TCERG1: variants seen among roughly 807,000 people sequenced by gnomAD.
The protein encoded by TCERG1 is TATA box binding protein (TBP)-associated factor, RNA polymerase II, S, 150kD.
Under a neutral mutation model 144.7 loss-of-function variants are expected in TCERG1, and 37 were observed. That is an observed-to-expected ratio of 0.26 (90% CI 0.20 to 0.34). TCERG1 has a LOEUF of 0.34. Among genes scored for constraint, TCERG1 ranks in the 10% least tolerant of loss-of-function variants. TCERG1 has a pLI of 1.00. For synonymous variants in TCERG1, 492 were observed against 458.2 expected, an observed-to-expected ratio of 1.07 and a Z score of -0.94; for missense variants, 1,027 against 1,380.7, an observed-to-expected ratio of 0.74 and a Z score of 4.06.
At chr5:146,508,515 G>A (rs1768193911) in intron 21 of TCERG1, among the ~76,000 whole-genome samples, 1 of 152,092 alleles carries the variant, frequency 6.6e-6, no homozygotes, top group Admixed American at 6.5e-5. Flanking sequence ...CCCCCTCAAA[G>A]TCTATTGGAT....
At chr5:146,506,709 T>C (rs1265597517) in intron 19 of TCERG1, among the ~76,000 whole-genome samples, 1 of 152,194 alleles carries the variant, frequency 6.6e-6, no homozygotes, top group African/African-American at 2.4e-5. Flanking sequence ...ACTCTCTATT[T>C]CTATGAGTTC....
At position 146,469,661 on chromosome 5, in the gene TCERG1, A is replaced by G. The variant is rs1764109472; in HGVS notation, c.1316A>G (p.Lys439Arg). The G allele has an allele frequency of 1.9e-6, 3 of 1,613,470 alleles. No homozygotes were observed. Among genetic ancestry groups the G allele is most frequent in the Non-Finnish European group, 2.5e-6 (3 of 1,179,652 alleles). Residue 439 changes from lysine (K) to arginine (R), a missense_variant, in exon 7 of 23, where the codon AAA becomes AGA. This residue lies in a region of TCERG1 where 482 missense variants were observed against 632.6 expected (regional missense o/e 0.76). Coordinates refer to ENST00000679501, the MANE Select transcript of TCERG1 (RefSeq NM_001382548.1). ...ATAVSEWTEY[K>R]TADGKTYYYN... is the part of the protein sequence containing the mutation. Reference sequence around the variant, plus strand: ...GCAGTTTCTGAATGGACTGAATATAAAACAGCAGATGGGAAGACATATTAT... The same window carrying G: ...GCAGTTTCTGAATGGACTGAATATAGAACAGCAGATGGGAAGACATATTAT...
intron 13 of TCERG1, chr5:146,481,647 A>C (rs1765373227): frequency 6.6e-6 from 1 of 152,096 alleles, no homozygotes. Context: ...AATTCCCTTA[A>C]GTTTGTATAG....
At position 146,458,755 on chromosome 5, in the gene TCERG1, A is replaced by G. The variant is rs945862411; in HGVS notation, c.439-129A>G. 5.8e-5 allele frequency: 76 copies of G among 1,312,278 alleles called. No individual in the cohort carries two copies. In the East Asian group the frequency reaches 1.8e-3, roughly 32 times the overall value. The allele number at this position is 1,312,278 out of a possible 1,614,324, so 81.3% of individuals were successfully genotyped here. On this transcript the variant is annotated intron_variant, in intron 3 of 22. Transcript: ENST00000679501. Reference sequence around the variant, plus strand: ...CTGCCTCCCAAAGTGCTGGGATTACAGGAATGAGCCACCACGCCTGGCCCT... The same window carrying G: ...CTGCCTCCCAAAGTGCTGGGATTACGGGAATGAGCCACCACGCCTGGCCCT...
chr5:146,457,711 G>T (rs1201547064), intron 3 of TCERG1, among the ~76,000 whole-genome samples: 1 of 152,252 alleles, frequency 6.6e-6, no homozygotes, highest in Admixed American at 6.5e-5. Flanking sequence ...TTGGACTCCA[G>T]ATAAGGGTCA....
At chr5:146,504,183 G>T in intron 19 of TCERG1, 177 bp downstream of exon 19, 1 of 535,612 alleles carries the variant, frequency 1.9e-6, no homozygotes, top group Non-Finnish European at 2.9e-6. Context: ...AAAAACCCAA[G>T]TTATTCAACA....
intron 19 of TCERG1, among the ~76,000 whole-genome samples, chr5:146,506,744 G>T (rs946487714): frequency 6.6e-6 from 1 of 152,132 alleles, no homozygotes; most frequent in African/African-American, 2.4e-5. Context: ...CCACAAATGT[G>T]AGACTATGCA....
intron 12 of TCERG1, 100 bp from the exon 13 acceptor site, chr5:146,481,050 A>G (rs1765325159): frequency 3.4e-6 from 1 of 295,322 alleles, no homozygotes; most frequent in Admixed American, 6.6e-5. Flanking sequence ...CTGTTTATGT[A>G]CCATAATTTT....
rs894984707 is a variant in TCERG1 at position 146,480,151 on chromosome 5, G to C, written c.1886+57G>C. 4 of 1,354,146 alleles carry C rather than the reference G, an allele frequency of 3.0e-6. No homozygotes were observed. In the African/African-American group the frequency reaches 5.9e-5, roughly 20 times the overall value. The allele number at this position is 1,354,146 out of a possible 1,614,324, so 83.9% of individuals were successfully genotyped here. ...ATTATATCTTTTAAAAGTCGATTTG[G>C]TAATAATTTGTGATTGGAAGGGACA... On this transcript the variant is annotated intron_variant, in intron 12 of 22. Transcript: ENST00000679501.
intron 4 of TCERG1, among the ~76,000 whole-genome samples, chr5:146,461,098 C>G (rs1212993891): frequency 6.6e-6 from 1 of 152,166 alleles, no homozygotes; most frequent in Non-Finnish European, 1.5e-5. Flanking sequence ...TTTAACCATA[C>G]TATATATAGT....
Position 146,510,525 on chromosome 5 carries a change from G to C in TCERG1, c.3231G>C (p.Leu1077=). 6.2e-7 allele frequency: 1 copy of C among 1,614,088 alleles called. No individual in the cohort carries two copies. The highest frequency in any genetic ancestry group is 8.5e-7 in the Non-Finnish European group (1 of 1,179,994). ...AGAATGACAAACGGTATCTAGTACT[G>C]GACTGTGTGCCAGAGGAGAGGCGTA... ...ILQNDKRYLV[L]DCVPEERRKL... Residue 1077 remains leucine, a synonymous_variant, in exon 23 of 23, where the codon CTG becomes CTC. Transcript: ENST00000679501.
chr5:146,449,932 G>A (rs1762211574), intron 1 of TCERG1, among the ~76,000 whole-genome samples: 2 of 140,414 alleles, frequency 1.4e-5, no homozygotes, highest in South Asian at 4.6e-4. Context: ...TCACTGACTA[G>A]CTGCCTTAAG....
chr5:146,452,539 A>G (rs1316114965), intron 1 of TCERG1, among the ~76,000 whole-genome samples: 2 of 152,154 alleles, frequency 1.3e-5, no homozygotes, highest in Non-Finnish European at 2.9e-5. Context: ...AGTGAACACA[A>G]TTCCTACTCT....
chr5:146,503,972 C>A lies in TCERG1; in HGVS notation c.2747C>A (p.Ala916Asp). ...REREQHKREE[A>D]IQNFKALLSD... is the part of the protein sequence containing the mutation. ...AGAGAGCAGCACAAACGAGAAGAAGCTATCCAGAATTTCAAAGCTCTTCTG... is the reference window on the plus strand; with the variant it reads ...AGAGAGCAGCACAAACGAGAAGAAGATATCCAGAATTTCAAAGCTCTTCTG... The change falls in exon 19 of 23, where the codon GCT becomes GAT. Residue 916 changes from alanine to aspartate, a missense_variant. Coordinates refer to ENST00000679501, the MANE Select transcript of TCERG1 (RefSeq NM_001382548.1). The A allele has an allele frequency of 6.3e-7, 1 of 1,591,818 alleles. No individual in the cohort carries two copies. Among genetic ancestry groups the A allele is most frequent in the Non-Finnish European group, 8.5e-7 (1 of 1,171,858 alleles).
chr5:146,495,881 G>A (rs1581544594), intron 16 of TCERG1, among the ~76,000 whole-genome samples: 1 of 152,142 alleles, frequency 6.6e-6, no homozygotes. Flanking sequence ...TTGGCCAGGC[G>A]CAGTGGCTCG....
At chr5:146,487,223 AATAAG>A (rs1467933041) in intron 15 of TCERG1, among the ~76,000 whole-genome samples, 1 of 152,214 alleles carries the variant, frequency 6.6e-6, no homozygotes, top group Non-Finnish European at 1.5e-5. Context: ...GTGCCAAATA[AATAAG>A]ATAACTAAGA....
At chr5:146,454,199 C>CAA (rs781116110) in intron 1 of TCERG1, among the ~76,000 whole-genome samples, 1 of 122,972 alleles carries the variant, frequency 8.1e-6, no homozygotes. Flanking sequence ...GACTTGGTCT[C>CAA]AAAAAAAAAA....
chr5:146,501,982 C>T (rs1214870761), intron 17 of TCERG1, among the ~76,000 whole-genome samples: 1 of 149,680 alleles, frequency 6.7e-6, no homozygotes, highest in Non-Finnish European at 1.5e-5. Flanking sequence ...GCCACCTCTG[C>T]CTCCTGGGTT....
chr5:146,501,887 CTTTTTTTTTTTTT>C (rs70998087), intron 17 of TCERG1, among the ~76,000 whole-genome samples: 1,081 of 73,472 alleles, frequency 0.015, 25 homozygotes, highest in African/African-American at 0.054. Context: ...ATCAACTTCA[CTTTTTTTTTTTTT>C]TTTTTTTTTT....
Sources: gnomAD v4.1 joint callset for allele counts (sites outside exome capture counted in the v4.1 genomes callset) on GRCh38, gnomAD v4.1.1 for gene constraint, gnomAD v4.1.1 regional missense constraint, MANE v1.5 for transcripts, NCBI Gene and HGNC (gene_info 2026-07-23, HGNC 2026-07-21) for gene names.